Variants in PPP4R2 observed in about 807,000 individuals in gnomAD.
The protein encoded by PPP4R2 is serine/threonine-protein phosphatase 4 regulatory subunit 2.
Under a neutral mutation model 47.2 loss-of-function variants are expected in PPP4R2, and 13 were observed. That is an observed-to-expected ratio of 0.28 (90% CI 0.18 to 0.44). The LOEUF (loss-of-function observed/expected upper bound fraction) is 0.44. Among genes scored for constraint, PPP4R2 ranks in the 20% least tolerant of loss-of-function variants. PPP4R2 has a pLI of 1.00. For missense variants in PPP4R2, 421 were observed against 491.2 expected (o/e 0.86, Z 1.35); for synonymous variants, 151 against 163.3 (o/e 0.92, Z 0.57).
At chr3:73,028,034 A>G (rs1284259380) in intron 2 of PPP4R2, among the ~76,000 whole-genome samples, 1 of 149,020 alleles carries the variant, frequency 6.7e-6, no homozygotes, top group East Asian at 2.0e-4. Context: ...AGGCAGGTGG[A>G]TCACCTGAGG....
At chr3:73,020,582 A>G (rs1339987802) in intron 2 of PPP4R2, among the ~76,000 whole-genome samples, 2 of 149,072 alleles carry the variant, frequency 1.3e-5, no homozygotes, top group Non-Finnish European at 3.0e-5. Context: ...AGGTGGGAGG[A>G]TCACTTGAGC....
chr3:72,998,067 C>G lies in PPP4R2; in HGVS notation c.35-10C>G. On this transcript the variant is annotated splice_polypyrimidine_tract_variant and intron_variant, in intron 1 of 8. Coordinates refer to ENST00000356692, the MANE Select transcript of PPP4R2 (RefSeq NM_174907.4). ...AAACTGATAACGTTTTTTTTTCTTCCTTCATCTAGATTTTGAGAAGAGGGG... is the reference window on the plus strand; with the variant it reads ...AAACTGATAACGTTTTTTTTTCTTCGTTCATCTAGATTTTGAGAAGAGGGG... The G allele has an allele frequency of 6.3e-7, 1 of 1,589,266 alleles. No homozygotes were observed. The highest frequency in any genetic ancestry group is 8.6e-7 in the Non-Finnish European group (1 of 1,165,690).
chr3:73,017,594 C>G (rs991653593), intron 2 of PPP4R2, among the ~76,000 whole-genome samples: 2 of 152,148 alleles, frequency 1.3e-5, no homozygotes, highest in African/African-American at 2.4e-5. Context: ...TGTCATCTTT[C>G]AGAATTAAGT....
intron 2 of PPP4R2, chr3:73,015,696 G>A: frequency 1.4e-5 from 4 of 278,124 alleles, no homozygotes; most frequent in South Asian, 8.0e-5. Flanking sequence ...GGAGTGCAGT[G>A]GCGCCATCTC....
chr3:73,018,448 G>GTTATGTTATT (rs1553646432), intron 2 of PPP4R2, among the ~76,000 whole-genome samples: 1 of 106,588 alleles, frequency 9.4e-6, no homozygotes, highest in Non-Finnish European at 2.0e-5. Context: ...GTTATGTTAT[G>GTTATGTTATT]TTATTTATGT....
intron 2 of PPP4R2, among the ~76,000 whole-genome samples, chr3:73,003,191 A>G (rs1015657470): frequency 2.0e-5 from 3 of 149,046 alleles, no homozygotes; most frequent in Non-Finnish European, 4.4e-5. Flanking sequence ...GTCTGAGCAT[A>G]TTGCTATTAC....
At chr3:73,043,563 G>A (rs145281517) in intron 2 of PPP4R2, among the ~76,000 whole-genome samples, 2 of 152,276 alleles carry the variant, frequency 1.3e-5, no homozygotes, top group Admixed American at 1.3e-4. Flanking sequence ...CACCAGTAAT[G>A]TATGACATTA....
Position 73,045,744 on chromosome 3 carries a change from C to G in PPP4R2, c.117-1442C>G, listed in dbSNP as rs371299691. ...GTTTCACCATGTTGGCCAGGCTGAT[C>G]TCGAACTCCTGACCTCAGGTGATCC... is the stretch of plus-strand genomic sequence containing the variant. On this transcript the variant is annotated intron_variant, in intron 2 of 8. Coordinates refer to ENST00000356692, the MANE Select transcript of PPP4R2 (RefSeq NM_174907.4). 9.2e-5 allele frequency among the ~76,000 whole-genome samples: 14 copies of G among 152,134 alleles called. 1 individual carries two copies. The highest frequency in any genetic ancestry group is 3.1e-4 in the African/African-American group (13 of 41,512).
Position 73,064,080 on chromosome 3 carries a change from A to G in PPP4R2, c.572A>G (p.Asn191Ser), listed in dbSNP as rs772637753. The change falls in exon 7 of 9, where the codon AAT (asparagine) becomes AGT (serine). Residue 191 changes from asparagine (N) to serine (S), a missense_variant. This residue lies in a region of PPP4R2 where 317 missense variants were observed against 287.5 expected (regional missense o/e 1.10). Transcript: ENST00000356692. The stretch of plus-strand genomic sequence containing the variant: ...TCTTTGTCAGCCCCCATGACAACAA[A>G]TGGGTTGCCTGAGAGCACAGACAGC... ...KVSLSAPMTT[N>S]GLPESTDSKE... is the part of the protein sequence containing the mutation. The G allele has an allele frequency of 1.2e-6, 2 of 1,613,766 alleles. No individual in the cohort carries two copies. Among genetic ancestry groups the G allele is most frequent in the Non-Finnish European group, 1.7e-6 (2 of 1,179,836 alleles).
chr3:73,036,641 A>G (rs1222641466), intron 2 of PPP4R2, among the ~76,000 whole-genome samples: 7 of 152,186 alleles, frequency 4.6e-5, no homozygotes, highest in Non-Finnish European at 1.0e-4. Flanking sequence ...CCTTAAACCA[A>G]AGTACAAATT....
chr3:73,015,120 T>C (rs1465767553), intron 2 of PPP4R2: 1 of 442,870 alleles, frequency 2.3e-6, no homozygotes, highest in Non-Finnish European at 4.0e-6. Flanking sequence ...ATCTCAGAAA[T>C]GTCATAAAGT....
At chr3:73,064,780 A>T (rs1253280368) in intron 7 of PPP4R2, 72 bp from the exon 8 acceptor site, 1 of 1,289,442 alleles carries the variant, frequency 7.8e-7, no homozygotes, top group Non-Finnish European at 1.1e-6. Flanking sequence ...AACATTATTT[A>T]ACCTTAAAAA....
At chr3:73,029,943 G>A (rs1336664842) in intron 2 of PPP4R2, among the ~76,000 whole-genome samples, 1 of 152,186 alleles carries the variant, frequency 6.6e-6, no homozygotes, top group Non-Finnish European at 1.5e-5. Context: ...GTTCGTTGGT[G>A]ATCTTGATAA....
intron 2 of PPP4R2, among the ~76,000 whole-genome samples, chr3:73,013,729 C>G (rs11715308): frequency 6.6e-6 from 1 of 151,652 alleles, no homozygotes; most frequent in Non-Finnish European, 1.5e-5. Context: ...GCCTCCACCT[C>G]CTGGTTTCAA....
chr3:73,016,813 C>CTTTT (rs1207946652), intron 2 of PPP4R2, among the ~76,000 whole-genome samples: 10 of 72,906 alleles, frequency 1.4e-4, no homozygotes, highest in South Asian at 6.1e-4. Context: ...TTCATTGTTT[C>CTTTT]TTTTTTTTTT....
intron 2 of PPP4R2, among the ~76,000 whole-genome samples, chr3:72,999,842 A>T (rs11918412): frequency 6.6e-6 from 1 of 152,262 alleles, no homozygotes; most frequent in Middle Eastern, 3.4e-3. Flanking sequence ...TATTCAATGG[A>T]ATTTGGAAAA....
intron 2 of PPP4R2, among the ~76,000 whole-genome samples, chr3:73,044,668 G>C (rs752711602): frequency 1.3e-5 from 2 of 152,164 alleles, no homozygotes; most frequent in Non-Finnish European, 2.9e-5. Flanking sequence ...ACCCTAATGG[G>C]TGTAAAGTGG....
chr3:73,057,716 A>C (rs750319947), intron 3 of PPP4R2, among the ~76,000 whole-genome samples: 1 of 152,166 alleles, frequency 6.6e-6, no homozygotes. Context: ...TATGAGAACC[A>C]AATGTAGTTT....
Position 73,065,112 on chromosome 3 carries a change from A to G in PPP4R2, c.899A>G (p.Asp300Gly). ...RCTRQHCTEE[D>G]EEEDEEEEEE... Reference sequence around the variant, plus strand: ...ACCCGGCAGCACTGTACAGAAGAGGATGAAGAAGAGGATGAAGAGGAAGAA... The same window carrying G: ...ACCCGGCAGCACTGTACAGAAGAGGGTGAAGAAGAGGATGAAGAGGAAGAA... The change falls in exon 8 of 9, where the codon GAT (aspartate) becomes GGT (glycine). Residue 300 changes from aspartate to glycine, a missense_variant. This residue lies in a region of PPP4R2 where 317 missense variants were observed against 287.5 expected (regional missense o/e 1.10). Coordinates refer to ENST00000356692, the MANE Select transcript of PPP4R2 (RefSeq NM_174907.4). 6.2e-7 allele frequency: 1 copy of G among 1,610,610 alleles called. No homozygotes were observed. Among genetic ancestry groups the G allele is most frequent in the East Asian group, 2.3e-5 (1 of 43,536 alleles).
Sources: gnomAD v4.1 joint callset for allele counts (sites outside exome capture counted in the v4.1 genomes callset) on GRCh38, gnomAD v4.1.1 for gene constraint, gnomAD v4.1.1 regional missense constraint, MANE v1.5 for transcripts, NCBI Gene and HGNC (gene_info 2026-07-23, HGNC 2026-07-21) for gene names.